LGR5: variants seen among roughly 807,000 people sequenced by gnomAD.
The protein encoded by LGR5 is leucine rich repeat containing G protein-coupled receptor 5.
A neutral mutation model predicts 76.7 loss-of-function variants in LGR5; 54 were observed. That is an observed-to-expected ratio of 0.70 (90% CI 0.57 to 0.88). LGR5 has a LOEUF of 0.88. Ranked by LOEUF, LGR5 falls within the 40% of genes least tolerant of loss-of-function variation. LGR5 has a pLI of 0.00. For synonymous variants in LGR5, 406 were observed against 421.9 expected (o/e 0.96, Z 0.46); for missense variants, 1,078 against 1,073.3 (o/e 1.00, Z -0.06).
chr12:71,449,231 A>G (rs912494760), intron 1 of LGR5, among the ~76,000 whole-genome samples: 1 of 152,224 alleles, frequency 6.6e-6, no homozygotes, highest in African/African-American at 2.4e-5. Flanking sequence ...TTTAGAAAAA[A>G]GAGTCCTTGG....
chr12:71,474,677 G>A (rs1417609661), intron 1 of LGR5, among the ~76,000 whole-genome samples: 1 of 152,152 alleles, frequency 6.6e-6, no homozygotes, highest in Non-Finnish European at 1.5e-5. Context: ...GTCCTTGCCT[G>A]TATTCAATTT....
chr12:71,556,363 T>A (rs1877762400), intron 5 of LGR5, among the ~76,000 whole-genome samples: 1 of 152,104 alleles, frequency 6.6e-6, no homozygotes, highest in Non-Finnish European at 1.5e-5. Flanking sequence ...GTTACTTATA[T>A]CAATTATGTT....
chr12:71,531,595 C>T (rs1322008369), intron 3 of LGR5, among the ~76,000 whole-genome samples: 2 of 152,186 alleles, frequency 1.3e-5, no homozygotes, highest in Admixed American at 6.5e-5. Context: ...CGGTCAGGTG[C>T]GGTGGCTCAT....
At chr12:71,563,140 T>TA (rs1371631964) in intron 8 of LGR5, among the ~76,000 whole-genome samples, 56 of 152,262 alleles carry the variant, frequency 3.7e-4, no homozygotes, top group Non-Finnish European at 2.2e-4. Flanking sequence ...CAACTCTATA[T>TA]ATATTAGACC....
intron 1 of LGR5, among the ~76,000 whole-genome samples, chr12:71,496,655 A>G (rs1239475587): frequency 6.6e-5 from 10 of 152,244 alleles, no homozygotes; most frequent in Admixed American, 5.2e-4. Flanking sequence ...AGTACTGTTC[A>G]TAATAGTCAC....
chr12:71,476,486 G>C (rs1431571849), intron 1 of LGR5, among the ~76,000 whole-genome samples: 1 of 152,190 alleles, frequency 6.6e-6, no homozygotes. Context: ...GTCAAGGGCA[G>C]TGGGATTTGC....
At chr12:71,553,623 A>G (rs965026681) in intron 5 of LGR5, among the ~76,000 whole-genome samples, 2 of 152,194 alleles carry the variant, frequency 1.3e-5, no homozygotes, top group Admixed American at 6.5e-5. Context: ...ATTTTAAAAA[A>G]TAATTGATAA....
chr12:71,538,110 ACT>A, intron 4 of LGR5, among the ~76,000 whole-genome samples: 1 of 152,282 alleles, frequency 6.6e-6, no homozygotes, highest in East Asian at 1.9e-4. Flanking sequence ...AACCACATTT[ACT>A]TTTGTACCAA....
chr12:71,462,979 G>A (rs964136219), intron 1 of LGR5, among the ~76,000 whole-genome samples: 1 of 152,122 alleles, frequency 6.6e-6, no homozygotes, highest in African/African-American at 2.4e-5. Context: ...TATTAATTGT[G>A]TCGCTAACTA....
At position 71,581,258 on chromosome 12, in the gene LGR5, G is replaced by A. The variant is rs539124062; in HGVS notation, c.1552+835G>A. 4.6e-5 allele frequency among the ~76,000 whole-genome samples: 7 copies of A among 152,280 alleles called. No individual in the cohort carries two copies. In the East Asian group the frequency reaches 9.6e-4, roughly 21 times the overall value. ...TCATTCTCCTCACCTACCCCACCCC[G>A]GGGTATCTGTCTGGAAGGTGAAATG... is the stretch of plus-strand genomic sequence containing the variant. On this transcript the variant is annotated intron_variant, in intron 16 of 17. Transcript: ENST00000266674.
chr12:71,584,928 G>T lies in LGR5; in HGVS notation c.*194G>T. On this transcript the variant is annotated 3_prime_UTR_variant, in exon 18 of 18. Coordinates refer to ENST00000266674, the MANE Select transcript of LGR5 (RefSeq NM_003667.4). ...TGAATATAAGTCTAAATGCTGCTTT[G>T]TATAATTTGTTCAGCTAAGGGATAG... 1.7e-6 allele frequency: 1 copy of T among 586,120 alleles called. No individual in the cohort carries two copies. Among genetic ancestry groups the T allele is most frequent in the Non-Finnish European group, 3.0e-6 (1 of 335,166 alleles). 36.3% of individuals were successfully genotyped at this position (586,120 alleles called of 1,614,324 possible). A position where few individuals can be genotyped will look rare whatever the true frequency, so the allele number is the denominator to read the frequency against.
chr12:71,513,314 G>C (rs1875262151), intron 2 of LGR5, among the ~76,000 whole-genome samples: 7 of 152,212 alleles, frequency 4.6e-5, no homozygotes, highest in Admixed American at 4.6e-4. Flanking sequence ...AAGGCAGTGA[G>C]AGGAGTTTAA....
intron 1 of LGR5, among the ~76,000 whole-genome samples, chr12:71,480,510 C>T (rs1311886226): frequency 1.3e-5 from 2 of 152,126 alleles, no homozygotes; most frequent in Admixed American, 6.5e-5. Context: ...TGCACAACCC[C>T]AGCAAAGCCT....
At chr12:71,529,460 C>T (rs1044739316) in intron 3 of LGR5, among the ~76,000 whole-genome samples, 1 of 152,130 alleles carries the variant, frequency 6.6e-6, no homozygotes. Flanking sequence ...ATTCAATCAC[C>T]TCCCACCAGG....
At chr12:71,576,382 G>A (rs2137466814) in intron 13 of LGR5, among the ~76,000 whole-genome samples, 1 of 152,296 alleles carries the variant, frequency 6.6e-6, no homozygotes, top group South Asian at 2.1e-4. Context: ...GATGTTTCCA[G>A]GACAAAGAAA....
chr12:71,491,628 A>G (rs1019336796), intron 1 of LGR5, among the ~76,000 whole-genome samples: 2 of 151,592 alleles, frequency 1.3e-5, no homozygotes, highest in African/African-American at 4.9e-5. Context: ...TGTGAGATTG[A>G]CAGGTCTTGG....
chr12:71,584,246 A>G lies in LGR5; in HGVS notation c.2236A>G (p.Lys746Glu). 1 of 1,614,072 alleles carries G rather than the reference A, an allele frequency of 6.2e-7. No homozygotes were observed. Among genetic ancestry groups the G allele is most frequent in the Non-Finnish European group, 8.5e-7 (1 of 1,180,018 alleles). Residue 746 changes from lysine (K) to glutamate (E), a missense_variant, in exon 18 of 18, where the codon AAG (lysine) becomes GAG (glutamate). By Grantham distance (56) the Lys-to-Glu change is moderately conservative (BLOSUM62 1). Coordinates refer to ENST00000266674, the MANE Select transcript of LGR5 (RefSeq NM_003667.4). ...CCTCATGATGACCATTGCCTACACC[A>G]AGCTCTACTGCAATTTGGACAAGGG... ...CFLMMTIAYT[K>E]LYCNLDKGDL...
intron 1 of LGR5, among the ~76,000 whole-genome samples, chr12:71,450,224 C>G (rs143817064): frequency 1.5e-3 from 230 of 152,278 alleles, no homozygotes; most frequent in African/African-American, 5.2e-3. Context: ...CGAATGAACT[C>G]AAAAACTCCC....
rs780976282 is a variant in LGR5, at chr12:71,440,303, C to G, written c.212+11C>G. ...CTTCACCTCCTACCTGTAAGTACTT[C>G]CCCACGTCACTCCGGGAGAGAGACT... is the stretch of plus-strand genomic sequence containing the variant. On this transcript the variant is annotated intron_variant, in intron 1 of 17. Transcript: ENST00000266674. This position sits in a 1 kb window ranked among gnomAD's most constrained non-coding sequence, Gnocchi z 5.3. 11 of 1,605,020 alleles carry G rather than the reference C, an allele frequency of 6.9e-6. No homozygotes were observed. The highest frequency in any genetic ancestry group is 1.3e-5 in the African/African-American group (1 of 74,986).
Sources: gnomAD v4.1 joint callset for allele counts (sites outside exome capture counted in the v4.1 genomes callset) on GRCh38, gnomAD v4.1.1 for gene constraint, Gnocchi (gnomAD v3.1) non-coding constraint, MANE v1.5 for transcripts, NCBI Gene and HGNC (gene_info 2026-07-23, HGNC 2026-07-21) for gene names.